SBK1: variants seen among roughly 807,000 people sequenced by gnomAD.
The protein encoded by SBK1 is serine/threonine-protein kinase SBK1.
Under a neutral mutation model 24.4 loss-of-function variants are expected in SBK1, and 11 were observed. That is an observed-to-expected ratio of 0.45 (90% confidence interval 0.28 to 0.75). The LOEUF is 0.75. Among genes scored for constraint, SBK1 ranks in the 30% least tolerant of loss-of-function variants. SBK1 has a pLI of 0.12. For synonymous variants in SBK1, 308 were observed against 284.4 expected (o/e 1.08, Z -0.83); for missense variants, 467 against 620.5 (o/e 0.75, Z 2.63).
intron 1 of SBK1, among the ~76,000 whole-genome samples, chr16:28,280,332 A>T: frequency 9.5e-6 from 1 of 105,382 alleles, no homozygotes; most frequent in South Asian, 3.6e-4. Flanking sequence ...ATACGTACAT[A>T]TGTATATATA....
chr16:28,266,137 C>G (rs952656468), intron 1 of SBK1, among the ~76,000 whole-genome samples: 1 of 152,050 alleles, frequency 6.6e-6, no homozygotes, highest in Non-Finnish European at 1.5e-5. Context: ...CCTTGGAAGG[C>G]TGAGGCAGAA....
chr16:28,266,621 T>G (rs1261104478), intron 1 of SBK1, among the ~76,000 whole-genome samples: 1 of 152,040 alleles, frequency 6.6e-6, no homozygotes, highest in Non-Finnish European at 1.5e-5. Context: ...AACCCATTTC[T>G]TTGATTTTTC....
intron 1 of SBK1, among the ~76,000 whole-genome samples, chr16:28,316,442 G>A (rs1024234057): frequency 1.3e-5 from 2 of 152,154 alleles, no homozygotes; most frequent in African/African-American, 4.8e-5. Context: ...GCTTTGGAGA[G>A]CCCTGGGGAA....
In SBK1 at chr16:28,320,813, G is replaced by A. The variant is rs2044837363; in HGVS notation, c.1167G>A (p.Val389=). 3.5e-6 allele frequency: 5 copies of A among 1,448,964 alleles called. No individual in the cohort carries two copies. Among genetic ancestry groups the A allele is most frequent in the African/African-American group, 1.5e-5 (1 of 66,524 alleles). The allele number at this position is 1,448,964 out of a possible 1,614,324, so 89.8% of individuals were successfully genotyped here. ...VPVPVPVPVP[V]PEPGLAPQGP... ...TGCCAGTGCCCGTGCCGGTGCCTGTGCCCGAGCCCGGCCTAGCTCCCCAGG... is the reference window on the plus strand; with the variant it reads ...TGCCAGTGCCCGTGCCGGTGCCTGTACCCGAGCCCGGCCTAGCTCCCCAGG... The change falls in exon 4 of 4, where the codon GTG becomes GTA. Residue 389 remains valine, a synonymous_variant. Coordinates refer to ENST00000341901, the MANE Select transcript of SBK1 (RefSeq NM_001024401.3). This position sits in a 1 kb window ranked among gnomAD's most constrained non-coding sequence, Gnocchi z 8.5.
Position 28,320,538 on chromosome 16 carries a change from C to G in SBK1, c.892C>G (p.Leu298Val), listed in dbSNP as rs1567681623. ...ALRMFQRLLA[L>V]EPERRGPAKE... is the part of the protein sequence containing the mutation. ...GCGCATGTTCCAGCGCTTACTGGCC[C>G]TGGAGCCCGAGCGCCGCGGCCCAGC... Residue 298 changes from leucine to valine, a missense_variant, in exon 4 of 4, where the codon CTG becomes GTG. Coordinates refer to ENST00000341901, the MANE Select transcript of SBK1 (RefSeq NM_001024401.3). This position sits in a 1 kb window ranked among gnomAD's most constrained non-coding sequence, Gnocchi z 8.5. The G allele has an allele frequency of 6.4e-7, 1 of 1,561,256 alleles. No homozygotes were observed. Among genetic ancestry groups the G allele is most frequent in the Non-Finnish European group, 8.6e-7 (1 of 1,160,532 alleles).
At chr16:28,307,984 C>T (rs2044728625) in intron 1 of SBK1, among the ~76,000 whole-genome samples, 1 of 152,068 alleles carries the variant, frequency 6.6e-6, no homozygotes, top group Non-Finnish European at 1.5e-5. Context: ...AATTATTCTC[C>T]CACAGAGCAG....
rs2044830976 is a variant in SBK1 at position 28,320,387 on chromosome 16, C to T, written c.741C>T (p.Leu247=). Residue 247 remains leucine, a synonymous_variant, in exon 4 of 4, where the codon CTC becomes CTT. Coordinates refer to ENST00000341901, the MANE Select transcript of SBK1 (RefSeq NM_001024401.3). The surrounding 1 kb of genome is among the most constrained non-coding windows in gnomAD (Gnocchi z 8.5). ...TCGGCGTGCTCATCTTCTGCGTGCT[C>T]ACCGGCAACTTCCCGTGGGAGGCGG... is the stretch of plus-strand genomic sequence containing the variant. The part of the protein sequence containing the change: ...WAFGVLIFCV[L]TGNFPWEAAS... The T allele has an allele frequency of 1.9e-6, 3 of 1,592,216 alleles. No homozygotes were observed. Among genetic ancestry groups the T allele is most frequent in the Admixed American group, 1.7e-5 (1 of 59,682 alleles).
At chr16:28,265,962 TAA>T (rs11393970) in intron 1 of SBK1, among the ~76,000 whole-genome samples, 19 of 142,160 alleles carry the variant, frequency 1.3e-4, no homozygotes, top group African/African-American at 2.3e-4. Context: ...CTGTCTCAAT[TAA>T]AAAAAAAAAA....
chr16:28,311,290 T>G (rs2044753315), intron 1 of SBK1, among the ~76,000 whole-genome samples: 1 of 152,002 alleles, frequency 6.6e-6, no homozygotes, highest in Non-Finnish European at 1.5e-5. Context: ...ATCTTGCTGT[T>G]CAGCAGAGAC....
chr16:28,303,737 C>T (rs1001692584), intron 1 of SBK1, among the ~76,000 whole-genome samples: 26 of 152,000 alleles, frequency 1.7e-4, no homozygotes, highest in Non-Finnish European at 3.2e-4. Flanking sequence ...AGGCTGGTCT[C>T]AAACTCCTGG....
At chr16:28,272,710 C>T (rs1161943091) in intron 1 of SBK1, among the ~76,000 whole-genome samples, 8 of 150,358 alleles carry the variant, frequency 5.3e-5, no homozygotes, top group African/African-American at 2.0e-4. Flanking sequence ...CAACCTCTGC[C>T]TCCCAGGTTC....
At chr16:28,276,826 G>A (rs1044873303) in intron 1 of SBK1, among the ~76,000 whole-genome samples, 22 of 151,820 alleles carry the variant, frequency 1.4e-4, no homozygotes, top group African/African-American at 4.4e-4. Context: ...CACCACGCCC[G>A]GCTAATTTTT....
chr16:28,291,007 C>T (rs1410267962), upstream of SBK1: 6 of 152,242 alleles, frequency 3.9e-5, no homozygotes, highest in Non-Finnish European at 5.9e-5. Flanking sequence ...TCTTCTCCAC[C>T]CTCTCTATCA....
chr16:28,287,297 A>AAAAATAAT (rs1388307784), intron 1 of SBK1, among the ~76,000 whole-genome samples: 1 of 149,086 alleles, frequency 6.7e-6, no homozygotes, highest in Non-Finnish European at 1.5e-5. Flanking sequence ...AAAAAAAAAA[A>AAAAATAAT]AATTAGCTGG....
intron 1 of SBK1, among the ~76,000 whole-genome samples, chr16:28,262,470 C>G (rs938398881): frequency 1.3e-5 from 2 of 152,188 alleles, no homozygotes; most frequent in African/African-American, 4.8e-5. Flanking sequence ...GACCAGTTCA[C>G]TCCTTTGTGG....
intron 1 of SBK1, among the ~76,000 whole-genome samples, chr16:28,283,667 G>T (rs1026106048): frequency 6.6e-6 from 1 of 152,180 alleles, no homozygotes; most frequent in Non-Finnish European, 1.5e-5. Context: ...CCCCTAATGG[G>T]TAGGGAAGGA....
chr16:28,313,121 AAAAT>A (rs1164037401), intron 1 of SBK1, among the ~76,000 whole-genome samples: 1 of 152,118 alleles, frequency 6.6e-6, no homozygotes, highest in Non-Finnish European at 1.5e-5. Context: ...GTCTCAAAAT[AAAAT>A]AAATAAAATA....
At chr16:28,278,147 G>C (rs1006652255) in intron 1 of SBK1, among the ~76,000 whole-genome samples, 4 of 152,246 alleles carry the variant, frequency 2.6e-5, no homozygotes, top group Non-Finnish European at 5.9e-5. Flanking sequence ...CGCGAGAAGG[G>C]GAGGCTTCGC....
At chr16:28,299,706 G>A (rs1394669709) in intron 1 of SBK1, among the ~76,000 whole-genome samples, 2 of 152,078 alleles carry the variant, frequency 1.3e-5, no homozygotes, top group Non-Finnish European at 2.9e-5. Context: ...GAGTCTGATC[G>A]GGTCAGGTTG....
Sources: gnomAD v4.1 joint callset for allele counts (sites outside exome capture counted in the v4.1 genomes callset) on GRCh38, gnomAD v4.1.1 for gene constraint, Gnocchi (gnomAD v3.1) non-coding constraint, MANE v1.5 for transcripts, NCBI Gene and HGNC (gene_info 2026-07-23, HGNC 2026-07-21) for gene names.